Variants in RPH3AL observed in about 807,000 individuals in gnomAD.
RPH3AL encodes rabphilin 3A like (without C2 domains), also known as rab effector Noc2.
Under a neutral mutation model 43.1 loss-of-function variants are expected in RPH3AL, and 38 were observed. The observed-to-expected ratio is 0.88, with a 90% CI of 0.68 to 1.15. RPH3AL has a LOEUF of 1.15. Among genes scored for constraint, RPH3AL ranks in the 50% most tolerant of loss-of-function variants. The probability of loss-of-function intolerance (pLI) is 0.00; values close to 1 mark genes in which losing one functional copy is unlikely to be tolerated. For synonymous variants in RPH3AL, 189 were observed against 176.3 expected, an observed-to-expected ratio of 1.07 and a Z score of -0.57; for missense variants, 462 against 423.2, an observed-to-expected ratio of 1.09 and a Z score of -0.81.
At chr17:230,452 G>A (rs1413881384) in intron 7 of RPH3AL, among the ~76,000 whole-genome samples, 1 of 152,190 alleles carries the variant, frequency 6.6e-6, no homozygotes, top group Non-Finnish European at 1.5e-5. Flanking sequence ...CTTCCTGGAC[G>A]AGCTGGAATT....
chr17:235,076 CTT>C (rs2041331072), intron 7 of RPH3AL, among the ~76,000 whole-genome samples: 1 of 148,866 alleles, frequency 6.7e-6, no homozygotes, highest in African/African-American at 2.4e-5. Flanking sequence ...GGCGGAGGCT[CTT>C]CACTCACTAA....
intron 6 of RPH3AL, 104 bp downstream of exon 6, chr17:281,664 G>GA: frequency 1.7e-6 from 1 of 574,676 alleles, no homozygotes; most frequent in Non-Finnish European, 3.3e-6. Flanking sequence ...AGCGTATCCA[G>GA]CCCGCCCAGC....
chr17:327,460 T>A lies in RPH3AL; in HGVS notation c.77+7A>T, dbSNP rs765518106. 2 of 1,613,350 alleles carry A rather than the reference T, an allele frequency of 1.2e-6. No individual in the cohort carries two copies. Among genetic ancestry groups the A allele is most frequent in the East Asian group, 4.5e-5 (2 of 44,842 alleles). ...GGGACGGCCTGGGGGGCCCCAGAGG[T>A]ACTCACTTGGCTCGAAGGGCAAGCT... On this transcript the variant is annotated splice_region_variant and intron_variant, in intron 3 of 9. Coordinates refer to ENST00000331302, the MANE Select transcript of RPH3AL (RefSeq NM_006987.4).
chr17:251,187 C>T (rs933748107), intron 6 of RPH3AL, among the ~76,000 whole-genome samples: 12 of 152,318 alleles, frequency 7.9e-5, no homozygotes, highest in African/African-American at 2.2e-4. Context: ...GCTTTTGTGT[C>T]GTTCTTGAAC....
At position 213,987 on chromosome 17, in the gene RPH3AL, C is replaced by G. The variant is rs563811112; in HGVS notation, c.877-64G>C. ...GGTGGAGTCCCTCCCTCCCCGGTGA[C>G]AGCTCGGCCTTTGGGAATGAGATGG... On this transcript the variant is annotated intron_variant, in intron 9 of 9. Transcript: ENST00000331302. 3 of 1,276,436 alleles carry G rather than the reference C, an allele frequency of 2.4e-6. No individual in the cohort carries two copies. The South Asian group carries it at 3.9e-5, about 17-fold the overall frequency. 79.1% of individuals were successfully genotyped at this position (1,276,436 alleles called of 1,614,324 possible).
chr17:214,208 G>C (rs1281951391), intron 9 of RPH3AL, among the ~76,000 whole-genome samples: 1 of 152,212 alleles, frequency 6.6e-6, no homozygotes, highest in Non-Finnish European at 1.5e-5. Context: ...CACGGAAAGA[G>C]AACACCCTCC....
At chr17:325,572 C>T (rs1351044104) in intron 3 of RPH3AL, among the ~76,000 whole-genome samples, 1 of 152,198 alleles carries the variant, frequency 6.6e-6, no homozygotes, top group East Asian at 1.9e-4. Context: ...CCAGTGTAGG[C>T]AGCACACTCT....
intron 5 of RPH3AL, among the ~76,000 whole-genome samples, chr17:317,678 C>A (rs986295342): frequency 6.6e-6 from 1 of 152,224 alleles, no homozygotes. Flanking sequence ...CCCAGTTTTC[C>A]CTTACCACAT....
At chr17:238,437 C>T (rs1479514413) in intron 7 of RPH3AL, among the ~76,000 whole-genome samples, 1 of 152,220 alleles carries the variant, frequency 6.6e-6, no homozygotes, top group Non-Finnish European at 1.5e-5. Context: ...GAAGCCGCAT[C>T]CTGTTAACTG....
chr17:309,694 C>T (rs1436922126), intron 5 of RPH3AL, among the ~76,000 whole-genome samples: 2 of 137,602 alleles, frequency 1.5e-5, no homozygotes, highest in East Asian at 4.0e-4. Flanking sequence ...CTGCCCTGCC[C>T]CAGGCTCCTG....
chr17:273,077 G>GAA (rs2042544461), intron 6 of RPH3AL, among the ~76,000 whole-genome samples: 1 of 143,092 alleles, frequency 7.0e-6, no homozygotes, highest in African/African-American at 2.5e-5. Flanking sequence ...GCGACGTCAG[G>GAA]GAGAGACCCC....
intron 5 of RPH3AL, among the ~76,000 whole-genome samples, chr17:317,767 G>C (rs1260136319): frequency 6.6e-6 from 1 of 152,192 alleles, no homozygotes; most frequent in African/African-American, 2.4e-5. Context: ...TAACTTCACT[G>C]TACCTTTGGT....
chr17:311,222 G>A (rs1598068960), intron 5 of RPH3AL, among the ~76,000 whole-genome samples: 3 of 152,212 alleles, frequency 2.0e-5, no homozygotes, highest in African/African-American at 7.2e-5. Flanking sequence ...GGCAGCTGGA[G>A]CATGCCCCGT....
intron 1 of RPH3AL, chr17:348,896 G>A (rs925000118): frequency 6.6e-6 from 1 of 152,252 alleles, no homozygotes; most frequent in East Asian, 1.9e-4. Context: ...CTTTGTTTAC[G>A]TGTTAATCTC....
In RPH3AL at chr17:277,186, T is replaced by C. The variant is rs75819550; in HGVS notation, c.438+4582A>G. 4.2e-3 allele frequency among the ~76,000 whole-genome samples: 634 copies of C among 152,312 alleles called. 17 individuals are homozygous for C. In the East Asian group the frequency reaches 0.058, roughly 14 times the overall value. Reference sequence around the variant, plus strand: ...GTCCTCAATTAGGAGAATATCTATATGACAGAATGTTTACAAAGAGTTCTT... The same window carrying C: ...GTCCTCAATTAGGAGAATATCTATACGACAGAATGTTTACAAAGAGTTCTT... On this transcript the variant is annotated intron_variant, in intron 6 of 9. Coordinates refer to ENST00000331302, the MANE Select transcript of RPH3AL (RefSeq NM_006987.4).
intron 5 of RPH3AL, among the ~76,000 whole-genome samples, chr17:291,603 G>A (rs556900424): frequency 2.6e-5 from 4 of 152,314 alleles, no homozygotes; most frequent in East Asian, 3.9e-4. Context: ...CATAATGAGA[G>A]CCTCCACGTG....
In RPH3AL at chr17:333,361, G is replaced by A. The variant is rs569793887; in HGVS notation, c.-37+398C>T. On this transcript the variant is annotated intron_variant, in intron 2 of 9. Transcript: ENST00000331302. The surrounding 1 kb of genome is among the most constrained non-coding windows in gnomAD (Gnocchi z 4.5). ...TTCTCACATCAGCCACCCCCATGGC[G>A]ACTCTTAACACCTTAATGTAGCACC... 103 of 1,158,802 alleles carry A rather than the reference G, an allele frequency of 8.9e-5. 1 individual carries two copies. The South Asian group carries it at 1.2e-3, about 14-fold the overall frequency. The allele number at this position is 1,158,802 out of a possible 1,614,324, so 71.8% of individuals were successfully genotyped here.
At chr17:318,301 G>C (rs2044357317) in intron 5 of RPH3AL, among the ~76,000 whole-genome samples, 1 of 152,140 alleles carries the variant, frequency 6.6e-6, no homozygotes, top group Non-Finnish European at 1.5e-5. Flanking sequence ...AGAATCACTT[G>C]AACCTGGAGG....
intron 2 of RPH3AL, chr17:332,740 C>T: frequency 3.5e-6 from 1 of 284,770 alleles, no homozygotes; most frequent in South Asian, 3.5e-5. Flanking sequence ...CACCTGACGG[C>T]TGAGCTCGCT....
Sources: gnomAD v4.1 joint callset for allele counts (sites outside exome capture counted in the v4.1 genomes callset) on GRCh38, gnomAD v4.1.1 for gene constraint, Gnocchi (gnomAD v3.1) non-coding constraint, MANE v1.5 for transcripts, NCBI Gene and HGNC (gene_info 2026-07-23, HGNC 2026-07-21) for gene names.